EMID1: variants seen among roughly 807,000 people sequenced by gnomAD.
The protein encoded by EMID1 is EMI domain containing 1.
EMID1 carries 40 observed loss-of-function variants against 60.6 expected under a neutral mutation model. That is an observed-to-expected ratio of 0.66 (90% CI 0.51 to 0.86). EMID1 has a LOEUF of 0.86. Among genes scored for constraint, EMID1 ranks in the 40% least tolerant of loss-of-function variants. EMID1 has a pLI of 0.00. For synonymous variants in EMID1, 242 were observed against 231.0 expected, an observed-to-expected ratio of 1.05 and a Z score of -0.43; for missense variants, 585 against 597.1, an observed-to-expected ratio of 0.98 and a Z score of 0.21.
rs2078856872 is a variant in EMID1, at chr22:29,237,231, G to A, written c.1074+2882G>A. Among the ~76,000 whole-genome samples, 2 of 143,358 alleles carry A rather than the reference G, an allele frequency of 1.4e-5. 1 individual carries two copies. The highest frequency in any genetic ancestry group is 1.4e-4 in the Admixed American group (2 of 14,616). The allele number at this position is 143,358 out of a possible 152,430, so 94.0% of individuals were successfully genotyped here. On this transcript the variant is annotated intron_variant, in intron 12 of 14. Transcript: ENST00000334018. ...AGAGTCTTGCTCTGTCACCCAGGCT[G>A]TAGTGCAGTGGTGTGATCTCTGCTA...
chr22:29,242,145 C>G (rs2041176553), intron 12 of EMID1, among the ~76,000 whole-genome samples: 1 of 152,136 alleles, frequency 6.6e-6, no homozygotes, highest in Non-Finnish European at 1.5e-5. Flanking sequence ...GCCCCAAACT[C>G]CTGGCCTCAA....
In EMID1 at chr22:29,258,701, G is replaced by A. The variant is rs1602080956; in HGVS notation, c.1205-116G>A. 5.5e-6 allele frequency: 8 copies of A among 1,442,804 alleles called. No homozygotes were observed. In the East Asian group the frequency reaches 2.0e-4, roughly 36 times the overall value. 89.4% of individuals were successfully genotyped at this position (1,442,804 alleles called of 1,614,324 possible). ...CACAGCTCTGCAGCCAGATACCAGG[G>A]TGGATTATACCTGGCAGAGCGTGCC... On this transcript the variant is annotated intron_variant, in intron 14 of 14. Transcript: ENST00000334018.
intron 1 of EMID1, among the ~76,000 whole-genome samples, chr22:29,210,221 T>C (rs1313583927): frequency 6.7e-6 from 1 of 149,626 alleles, no homozygotes; most frequent in East Asian, 1.9e-4. Context: ...GTCCAGATTA[T>C]GGCAACCAGG....
chr22:29,212,079 G>T (rs879809614), intron 1 of EMID1, among the ~76,000 whole-genome samples: 2 of 151,874 alleles, frequency 1.3e-5, no homozygotes, highest in Admixed American at 6.5e-5. Context: ...TCTGCCTCCC[G>T]GGTTCAAACA....
At chr22:29,221,613 ATCTGCTCACC>A (rs1247183164) in intron 3 of EMID1, among the ~76,000 whole-genome samples, 1 of 152,096 alleles carries the variant, frequency 6.6e-6, no homozygotes, top group Non-Finnish European at 1.5e-5. Context: ...TGACCTCATG[ATCTGCTCACC>A]TCGGCCTCCC....
Position 29,225,029 on chromosome 22 carries a change from C to T in EMID1, c.320-104C>T, listed in dbSNP as rs192178459. On this transcript the variant is annotated intron_variant, in intron 3 of 14. Transcript: ENST00000334018. The stretch of plus-strand genomic sequence containing the variant: ...CTCTCCTCTGGGCCTCTGTGTCCTA[C>T]GCTGAGGGCAGTAGGGGTCCCTGCT... The T allele has an allele frequency of 3.0e-4, 349 of 1,176,442 alleles. 1 individual carries two copies. The highest frequency in any genetic ancestry group is 4.2e-4 in the South Asian group (32 of 75,338). 72.9% of individuals were successfully genotyped at this position (1,176,442 alleles called of 1,614,324 possible). A position where few individuals can be genotyped will look rare whatever the true frequency, so the allele number is the denominator to read the frequency against.
chr22:29,215,391 A>G, intron 2 of EMID1, 136 bp from the exon 3 acceptor site: 2 of 1,271,566 alleles, frequency 1.6e-6, no homozygotes, highest in Non-Finnish European at 2.1e-6. Context: ...CCCAAAATGC[A>G]GGAGAGAGCC....
intron 14 of EMID1, 193 bp downstream of exon 14, chr22:29,254,480 G>A (rs963080551): frequency 1.2e-5 from 7 of 588,122 alleles, no homozygotes; most frequent in Non-Finnish European, 2.1e-5. Context: ...GGGTGCAGGG[G>A]TGCCCTAGAA....
chr22:29,224,334 G>T (rs1358192675), intron 3 of EMID1, among the ~76,000 whole-genome samples: 1 of 152,220 alleles, frequency 6.6e-6, no homozygotes, highest in African/African-American at 2.4e-5. Context: ...GCTGAGGGGG[G>T]CAGTTGCCAG....
At chr22:29,233,832 A>C in intron 10 of EMID1, 166 bp downstream of exon 10, 1 of 729,430 alleles carries the variant, frequency 1.4e-6, no homozygotes, top group Middle Eastern at 2.4e-4. Context: ...TTAATATGCA[A>C]ACTACCTTCC....
intron 12 of EMID1, among the ~76,000 whole-genome samples, chr22:29,241,919 T>C (rs541527456): frequency 3.3e-5 from 5 of 152,224 alleles, no homozygotes; most frequent in Admixed American, 2.6e-4. Flanking sequence ...TTTCTTTATT[T>C]TACTTTTTTG....
At chr22:29,254,161 C>A in intron 13 of EMID1, 42 bp from the exon 14 acceptor site, 2 of 1,612,680 alleles carry the variant, frequency 1.2e-6, no homozygotes, top group Non-Finnish European at 1.7e-6. Context: ...GGGTCCCCTC[C>A]CCTGCCCCCT....
At chr22:29,253,888 A>C (rs1023435503) in intron 13 of EMID1, 14 of 985,378 alleles carry the variant, frequency 1.4e-5, no homozygotes, top group Non-Finnish European at 1.4e-5. Context: ...AGCTTCTGGG[A>C]CTGCCGTTCT....
rs75602424 is a variant in EMID1, at chr22:29,222,524, C to G, written c.320-2609C>G. Among the ~76,000 whole-genome samples, 3,344 of 151,634 alleles carry G rather than the reference C, an allele frequency of 0.022. 201 individuals are homozygous for G. The East Asian group carries it at 0.22, about 10-fold the overall frequency. ...GTTCAAGCGATTCTCCTGCCTCAGC[C>G]TCCCAAGTAGCTGGGATTACAGGCA... On this transcript the variant is annotated intron_variant, in intron 3 of 14. Coordinates refer to ENST00000334018, the MANE Select transcript of EMID1 (RefSeq NM_133455.4).
At chr22:29,225,108 A>AG (rs772348446) in intron 3 of EMID1, 25 bp from the exon 4 acceptor site, 8 of 1,612,476 alleles carry the variant, frequency 5.0e-6, no homozygotes, top group South Asian at 3.3e-5. Flanking sequence ...ACATGCCAGC[A>AG]GGGCTCTCAC....
At chr22:29,228,130 T>G (rs1404304859) in intron 5 of EMID1, among the ~76,000 whole-genome samples, 2 of 132,322 alleles carry the variant, frequency 1.5e-5, no homozygotes, top group Admixed American at 1.8e-4. Flanking sequence ...CACTCCAGCC[T>G]GGGCAACAAG....
intron 12 of EMID1, among the ~76,000 whole-genome samples, chr22:29,234,682 T>A (rs2040878637): frequency 6.6e-6 from 1 of 152,228 alleles, no homozygotes; most frequent in Non-Finnish European, 1.5e-5. Context: ...TTACGTATTT[T>A]GAGTCTTTGT....
chr22:29,257,337 C>T (rs1336192629), intron 14 of EMID1, among the ~76,000 whole-genome samples: 2 of 152,224 alleles, frequency 1.3e-5, no homozygotes, highest in African/African-American at 2.4e-5. Flanking sequence ...ATAATAGTAT[C>T]AGCTGCCACG....
chr22:29,237,837 C>T (rs5752882), intron 12 of EMID1, among the ~76,000 whole-genome samples: 72,671 of 142,662 alleles, frequency 0.51, 22,880 homozygotes, highest in Middle Eastern at 0.6. Flanking sequence ...GTTTCTGACA[C>T]ATAATTTTTG....
Sources: allele counts gnomAD v4.1 joint callset (sites outside exome capture counted in the v4.1 genomes callset), GRCh38; gene constraint gnomAD v4.1.1; transcripts MANE v1.5; gene names NCBI Gene and HGNC (gene_info 2026-07-23, HGNC 2026-07-21).